COMMD1: variants seen among roughly 807,000 people sequenced by gnomAD.
COMMD1 encodes the protein copper metabolism domain containing 1.
COMMD1 carries 10 observed loss-of-function variants against 17.2 expected under a neutral mutation model. The observed-to-expected ratio is 0.58, with a 90% CI of 0.36 to 0.99. The LOEUF is 0.99. COMMD1 is among the 50% of genes least tolerant of loss of function. The pLI, the probability that COMMD1 is intolerant of heterozygous loss-of-function variation, is 0.01. For synonymous variants in COMMD1, 97 were observed against 91.6 expected, an observed-to-expected ratio of 1.06 and a Z score of -0.34; for missense variants, 270 against 231.8, an observed-to-expected ratio of 1.17 and a Z score of -1.07.
At chr2:61,893,175 T>C (rs1315367071) in intron 1 of COMMD1, among the ~76,000 whole-genome samples, 2 of 151,932 alleles carry the variant, frequency 1.3e-5, no homozygotes, top group Non-Finnish European at 2.9e-5. Context: ...CCTCATTCTA[T>C]GTTTTTAAGT....
intron 1 of COMMD1, among the ~76,000 whole-genome samples, chr2:61,984,478 T>A (rs1249689734): frequency 6.6e-6 from 1 of 152,260 alleles, no homozygotes; most frequent in African/African-American, 2.4e-5. Context: ...AAAATTCTTC[T>A]TGTTGCCGAT....
At chr2:62,056,492 T>G (rs1480899652) in intron 2 of COMMD1, among the ~76,000 whole-genome samples, 1 of 152,214 alleles carries the variant, frequency 6.6e-6, no homozygotes, top group Non-Finnish European at 1.5e-5. Flanking sequence ...ATATTCAACC[T>G]GTTCAGCGAA....
At chr2:62,044,688 T>G (rs989030376) in intron 2 of COMMD1, among the ~76,000 whole-genome samples, 1 of 152,166 alleles carries the variant, frequency 6.6e-6, no homozygotes, top group African/African-American at 2.4e-5. Flanking sequence ...AACCTAACAT[T>G]GTGGGCTAGC....
chr2:62,041,710 C>T (rs185641189), intron 2 of COMMD1, among the ~76,000 whole-genome samples: 4 of 152,200 alleles, frequency 2.6e-5, no homozygotes, highest in East Asian at 1.9e-4. Context: ...AGAATGAAGC[C>T]GCGGACCCTC....
intron 1 of COMMD1, among the ~76,000 whole-genome samples, chr2:61,977,972 C>A (rs1671850804): frequency 6.7e-6 from 1 of 148,862 alleles, no homozygotes; most frequent in African/African-American, 2.5e-5. Context: ...CTGGGCAACA[C>A]AGGGAGATTC....
At chr2:61,990,903 TACACACACAC>T (rs34009777) in intron 1 of COMMD1, among the ~76,000 whole-genome samples, 28 of 116,164 alleles carry the variant, frequency 2.4e-4, no homozygotes, top group African/African-American at 3.6e-4. Flanking sequence ...TATATATATA[TACACACACAC>T]ACACACACAC....
intron 2 of COMMD1, among the ~76,000 whole-genome samples, chr2:62,049,014 G>A (rs1482156009): frequency 6.6e-6 from 1 of 152,124 alleles, no homozygotes; most frequent in Non-Finnish European, 1.5e-5. Context: ...TGAACTAGTA[G>A]AGTATTTTTC....
chr2:62,045,510 TG>T (rs1010228962), intron 2 of COMMD1, among the ~76,000 whole-genome samples: 1 of 151,682 alleles, frequency 6.6e-6, no homozygotes, highest in African/African-American at 2.4e-5. Context: ...CTGAGCAAGG[TG>T]GGGATTCGTT....
At chr2:61,914,512 G>A (rs1669999645) in intron 1 of COMMD1, among the ~76,000 whole-genome samples, 2 of 151,702 alleles carry the variant, frequency 1.3e-5, no homozygotes, top group African/African-American at 4.8e-5. Flanking sequence ...GGTGGAGGTT[G>A]CAGTGAGCCA....
chr2:62,010,084 G>C (rs571402275), intron 2 of COMMD1, among the ~76,000 whole-genome samples: 1 of 152,134 alleles, frequency 6.6e-6, no homozygotes, highest in East Asian at 1.9e-4. Flanking sequence ...TTAGACTGCT[G>C]TACTGTTAAT....
intron 2 of COMMD1, among the ~76,000 whole-genome samples, chr2:62,058,245 C>T (rs184830908): frequency 1.7e-4 from 26 of 152,306 alleles, no homozygotes; most frequent in African/African-American, 6.3e-4. Flanking sequence ...GTTAATAGTG[C>T]TGTTCACATG....
intron 1 of COMMD1, among the ~76,000 whole-genome samples, chr2:61,954,922 G>T (rs375242882): frequency 1.3e-5 from 2 of 152,222 alleles, no homozygotes; most frequent in African/African-American, 4.8e-5. Context: ...CGATCCACCC[G>T]CCTCGGCCTT....
At chr2:61,911,754 C>A (rs931813374) in intron 1 of COMMD1, among the ~76,000 whole-genome samples, 6 of 152,170 alleles carry the variant, frequency 3.9e-5, no homozygotes, top group African/African-American at 1.4e-4. Context: ...GTGCGTTATA[C>A]CTCTTTACTC....
At chr2:62,080,010 T>G (rs1671474227) in intron 2 of COMMD1, among the ~76,000 whole-genome samples, 1 of 152,234 alleles carries the variant, frequency 6.6e-6, no homozygotes. Context: ...GAATTATACT[T>G]CCTGGAAAAT....
chr2:62,078,239 C>CAAAAAAAAA (rs56320690), intron 2 of COMMD1, among the ~76,000 whole-genome samples: 2 of 19,844 alleles, frequency 1.0e-4, no homozygotes, highest in African/African-American at 1.6e-4. Context: ...CACACCAATG[C>CAAAAAAAAA]AAAAAAAAAA....
At chr2:62,026,619 A>G (rs1484080658) in intron 2 of COMMD1, among the ~76,000 whole-genome samples, 2 of 152,328 alleles carry the variant, frequency 1.3e-5, no homozygotes, top group African/African-American at 2.4e-5. Context: ...TCTTGGAACT[A>G]TATCTTACCC....
Position 62,000,693 on chromosome 2 carries a change from C to T in COMMD1, c.181-8C>T. The stretch of plus-strand genomic sequence containing the variant: ...TCAAATTTTTTGCTTTTTCTGTCAT[C>T]TTTATAGTCTATTGCGTCTGCAGAC... On this transcript the variant is annotated splice_polypyrimidine_tract_variant and splice_region_variant and intron_variant, in intron 1 of 2. Coordinates refer to ENST00000311832, the MANE Select transcript of COMMD1 (RefSeq NM_152516.4). The T allele has an allele frequency of 6.2e-7, 1 of 1,613,986 alleles. No homozygotes were observed. Among genetic ancestry groups the T allele is most frequent in the Non-Finnish European group, 8.5e-7 (1 of 1,179,944 alleles).
chr2:62,039,234 G>A (rs762784292), intron 2 of COMMD1, among the ~76,000 whole-genome samples: 4 of 152,192 alleles, frequency 2.6e-5, no homozygotes, highest in Non-Finnish European at 5.9e-5. Flanking sequence ...CAGAGAATAT[G>A]CACTTCACAT....
intron 2 of COMMD1, among the ~76,000 whole-genome samples, chr2:62,125,602 A>G (rs1672865145): frequency 6.6e-6 from 1 of 152,234 alleles, no homozygotes; most frequent in Admixed American, 6.5e-5. Context: ...TTGTTTAAAA[A>G]AAAACTTTGT....
Sources: allele counts gnomAD v4.1 joint callset (sites outside exome capture counted in the v4.1 genomes callset), GRCh38; gene constraint gnomAD v4.1.1; transcripts MANE v1.5; gene names NCBI Gene and HGNC (gene_info 2026-07-23, HGNC 2026-07-21).